HSPG2: variants seen among roughly 807,000 people sequenced by gnomAD.
HSPG2 encodes heparan sulfate proteoglycan 2, also known as basement membrane-specific heparan sulfate proteoglycan core protein.
HSPG2 carries 278 observed loss-of-function variants against 526.6 expected under a neutral mutation model. The observed-to-expected ratio is 0.53, with a 90% CI of 0.48 to 0.58. The LOEUF (loss-of-function observed/expected upper bound fraction) is 0.58. HSPG2 is among the 20% of genes least tolerant of loss of function. The pLI is 0.00. For missense variants in HSPG2, 5,354 were observed against 6,099.5 expected (o/e 0.88, Z 4.07); for synonymous variants, 2,465 against 2,555.4 (o/e 0.96, Z 1.07).
At chr1:21,934,418 G>A (rs1011919148) in intron 1 of HSPG2, among the ~76,000 whole-genome samples, 5 of 152,256 alleles carry the variant, frequency 3.3e-5, no homozygotes, top group South Asian at 2.1e-4. Context: ...AGAGGAACTC[G>A]CCCCAGATCA....
In HSPG2 at chr1:21,890,111, C is replaced by A. The variant is rs2254357; in HGVS notation, c.444G>T (p.Leu148=). The change falls in exon 6 of 97, where the codon CTG becomes CTT. Residue 148 remains leucine (L), a synonymous_variant. Transcript: ENST00000374695. This position sits in a 1 kb window ranked among gnomAD's most constrained non-coding sequence, Gnocchi z 4.1. Reference sequence around the variant, plus strand: ...CCGCATTCCCTTCCGAGCCCACATCCAGCTCCACAAAAACCCAGCCATCCA... The same window carrying A: ...CCGCATTCCCTTCCGAGCCCACATCAAGCTCCACAAAAACCCAGCCATCCA... ...KELDGWVFVE[L]DVGSEGNADG... 1.1e-5 allele frequency: 17 copies of A among 1,613,686 alleles called. No homozygotes were observed. The East Asian group carries it at 3.3e-4, about 32-fold the overall frequency.
At chr1:21,919,883 T>A (rs530819695) in intron 1 of HSPG2, among the ~76,000 whole-genome samples, 34 of 152,204 alleles carry the variant, frequency 2.2e-4, no homozygotes, top group Admixed American at 9.2e-4. Context: ...ATTTGATCTA[T>A]AAGAAATTCT....
In HSPG2 at chr1:21,873,962, C is replaced by G. The variant is rs774689092; in HGVS notation, c.3706G>C (p.Ala1236Pro). 8 of 1,606,112 alleles carry G rather than the reference C, an allele frequency of 5.0e-6. No homozygotes were observed. The highest frequency in any genetic ancestry group is 6.0e-6 in the Non-Finnish European group (7 of 1,176,224). ...LDTDGHPTCDACSPGHSGRHC... is the reference protein window; with the variant it reads ...LDTDGHPTCDPCSPGHSGRHC... ...CGCCCACTGTGGCCTGGGGAGCACGCATCACAGGTGGGGTGGCCGTCTGTG... is the reference window on the plus strand; with the variant it reads ...CGCCCACTGTGGCCTGGGGAGCACGGATCACAGGTGGGGTGGCCGTCTGTG... The change falls in exon 29 of 97, where the codon GCG (alanine) becomes CCG (proline). Residue 1236 changes from alanine (A) to proline (P), a missense_variant. By Grantham distance (27) the Ala-to-Pro change is conservative. Coordinates refer to ENST00000374695, the MANE Select transcript of HSPG2 (RefSeq NM_005529.7).
At chr1:21,914,403 GA>G (rs1476645519) in intron 1 of HSPG2, among the ~76,000 whole-genome samples, 1 of 20,876 alleles carries the variant, frequency 4.8e-5, no homozygotes, top group African/African-American at 5.9e-5. Context: ...AGGAGCCTCA[GA>G]ATGTTTTGGA....
At position 21,823,697 on chromosome 1, in the gene HSPG2, G is replaced by A. The variant is rs2097958823; in HGVS notation, c.12922C>T (p.Gln4308Ter). The change falls in exon 96 of 97, where the codon CAA (glutamine) becomes TAA (stop). Residue 4308 changes from glutamine to a stop codon, truncating the protein, a stop_gained. Transcript: ENST00000374695. LOFTEE classifies it high-confidence loss of function. The part of the protein sequence containing the change: ...ALREGRRGSI[Q>*]VDGEELVSGR... Reference sequence around the variant, plus strand: ...CTGACCAGCTCCTCACCGTCGACTTGGATGGAACCTCTGCGGCCCTCCCTG... The same window carrying A: ...CTGACCAGCTCCTCACCGTCGACTTAGATGGAACCTCTGCGGCCCTCCCTG... The A allele has an allele frequency of 6.2e-7, 1 of 1,613,486 alleles. No individual in the cohort carries two copies. The highest frequency in any genetic ancestry group is 1.7e-5 in the Admixed American group (1 of 59,998).
chr1:21,923,526 G>A (rs1425996533), intron 1 of HSPG2, among the ~76,000 whole-genome samples: 2 of 152,170 alleles, frequency 1.3e-5, no homozygotes, highest in East Asian at 3.8e-4. Context: ...TGCTGCTGTG[G>A]GCCCTCCCCC....
rs188811623 is a variant in HSPG2 at position 21,929,792 on chromosome 1, C to T, written c.63+7363G>A. On this transcript the variant is annotated intron_variant, in intron 1 of 96. Coordinates refer to ENST00000374695, the MANE Select transcript of HSPG2 (RefSeq NM_005529.7). Reference sequence around the variant, plus strand: ...ATCCCGGACTCTTCTCTTTCTGTCCCGCCCCACATCCAACCCACTAGCAAA... The same window carrying T: ...ATCCCGGACTCTTCTCTTTCTGTCCTGCCCCACATCCAACCCACTAGCAAA... Among the ~76,000 whole-genome samples, 16 of 152,184 alleles carry T rather than the reference C, an allele frequency of 1.1e-4. 1 individual carries two copies. The East Asian group carries it at 1.9e-3, about 18-fold the overall frequency.
intron 55 of HSPG2, among the ~76,000 whole-genome samples, chr1:21,851,065 T>C (rs12749847): frequency 0.041 from 6,158 of 151,736 alleles, 180 homozygotes; most frequent in South Asian, 0.11. Flanking sequence ...CTCCGCCTCC[T>C]GGGTTCAAGC....
intron 55 of HSPG2, among the ~76,000 whole-genome samples, chr1:21,851,021 G>A (rs1638849093): frequency 6.7e-6 from 1 of 149,674 alleles, no homozygotes; most frequent in Non-Finnish European, 1.5e-5. Context: ...TGCCCAGGCT[G>A]GAGTGCAATG....
chr1:21,865,003 T>C lies in HSPG2; in HGVS notation c.4466A>G (p.Asp1489Gly). The C allele has an allele frequency of 1.3e-6, 2 of 1,581,214 alleles. No homozygotes were observed. Among genetic ancestry groups the C allele is most frequent in the Non-Finnish European group, 1.7e-6 (2 of 1,165,936 alleles). Residue 1489 changes from aspartate (D) to glycine (G), a missense_variant, in exon 36 of 97, where the codon GAT becomes GGT. Physicochemically the swap from Asp to Gly is moderately conservative, Grantham distance 94 (BLOSUM62 -1). Transcript: ENST00000374695. The surrounding 1 kb of genome is among the most constrained non-coding windows in gnomAD (Gnocchi z 5.4). The part of the protein sequence containing the change: ...EHLLMALADL[D>G]ELLIRATFSS... The stretch of plus-strand genomic sequence containing the variant: ...GAACGTGGCCCGGATCAGGAGCTCA[T>C]CCAGGTCGGCCAGTGCCATCAGGAG...
chr1:21,896,956 T>A (rs1253178857), intron 1 of HSPG2, among the ~76,000 whole-genome samples: 1 of 152,168 alleles, frequency 6.6e-6, no homozygotes, highest in East Asian at 1.9e-4. Flanking sequence ...GAGCTCAGTA[T>A]CTGGGCTGAA....
At position 21,839,707 on chromosome 1, in the gene HSPG2, C is replaced by T. The variant is rs531854628; in HGVS notation, c.9709+115G>A. ...CACTGGGGGATGCTAGCAACACGGT[C>T]TCCCCGTACTCCCCACCCCTGGGCA... is the stretch of plus-strand genomic sequence containing the variant. On this transcript the variant is annotated intron_variant, in intron 72 of 96. Transcript: ENST00000374695. The surrounding 1 kb of genome is among the most constrained non-coding windows in gnomAD (Gnocchi z 4.5). 1.8e-5 allele frequency: 25 copies of T among 1,376,022 alleles called. No homozygotes were observed. In the Admixed American group the frequency reaches 2.7e-4, roughly 15 times the overall value. The allele number at this position is 1,376,022 out of a possible 1,614,324, so 85.2% of individuals were successfully genotyped here.
chr1:21,899,944 G>C (rs2152777157), intron 1 of HSPG2, among the ~76,000 whole-genome samples: 1 of 152,340 alleles, frequency 6.6e-6, no homozygotes, highest in East Asian at 1.9e-4. Context: ...TCCCCAACCT[G>C]ACCAGCTCTC....
chr1:21,894,343 C>T (rs548562119), intron 3 of HSPG2, among the ~76,000 whole-genome samples: 13 of 152,016 alleles, frequency 8.6e-5, no homozygotes, highest in African/African-American at 2.4e-4. Context: ...GGCTCATGGG[C>T]GCAGTGGGGG....
At chr1:21,842,444 C>G in intron 67 of HSPG2, 64 bp from the exon 68 acceptor site, 1 of 1,485,904 alleles carries the variant, frequency 6.7e-7, no homozygotes, top group Admixed American at 2.2e-5. Flanking sequence ...TGTCCCCAAG[C>G]CCAACTGTGC....
chr1:21,886,745 G>A (rs531445055), intron 9 of HSPG2, among the ~76,000 whole-genome samples: 1 of 152,264 alleles, frequency 6.6e-6, no homozygotes, highest in East Asian at 1.9e-4. Context: ...CTGGGTGGAT[G>A]GATAATGGGT....
At chr1:21,841,414 G>A (rs1420184573) in intron 70 of HSPG2, 125 bp downstream of exon 70, 1 of 1,559,866 alleles carries the variant, frequency 6.4e-7, no homozygotes, top group African/African-American at 1.4e-5. Context: ...TGGAAACTGA[G>A]GCTCAGAGAG....
chr1:21,928,465 G>A (rs535357853), intron 1 of HSPG2, among the ~76,000 whole-genome samples: 29 of 152,368 alleles, frequency 1.9e-4, no homozygotes, highest in South Asian at 4.1e-4. Flanking sequence ...TTTTGAGACA[G>A]AGTCTCGCAA....
In HSPG2 at chr1:21,854,273, T is replaced by C; in HGVS notation, c.6359A>G (p.Glu2120Gly). The change falls in exon 50 of 97, where the codon GAG (glutamate) becomes GGG (glycine). Residue 2120 changes from glutamate to glycine, a missense_variant. Coordinates refer to ENST00000374695, the MANE Select transcript of HSPG2 (RefSeq NM_005529.7). ...GGCCTCCTTGGGGCCCGATCCATTC[T>C]CCACACGGCACACATATTCTCCAGA... ...ADSGEYVCRV[E>G]NGSGPKEASI... 6.3e-7 allele frequency: 1 copy of C among 1,580,472 alleles called. No individual in the cohort carries two copies. Among genetic ancestry groups the C allele is most frequent in the Non-Finnish European group, 8.6e-7 (1 of 1,162,704 alleles).
Sources: allele counts gnomAD v4.1 joint callset (sites outside exome capture counted in the v4.1 genomes callset), GRCh38; gene constraint gnomAD v4.1.1; non-coding constraint Gnocchi (gnomAD v3.1); transcripts MANE v1.5; gene names NCBI Gene and HGNC (gene_info 2026-07-23, HGNC 2026-07-21).